CAST: variants seen among roughly 807,000 people sequenced by gnomAD.
CAST encodes MIR583 host.
Under a neutral mutation model 119.6 loss-of-function variants are expected in CAST, and 76 were observed. That is an observed-to-expected ratio of 0.64 (90% CI 0.53 to 0.77). The LOEUF (loss-of-function observed/expected upper bound fraction) is 0.77, where lower values mean the gene tolerates loss of function less well. Among genes scored for constraint, CAST ranks in the 30% least tolerant of loss-of-function variants. The probability of loss-of-function intolerance (pLI) is 0.00; values close to 1 mark genes in which losing one functional copy is unlikely to be tolerated. For missense variants in CAST, 953 were observed against 946.5 expected (o/e 1.01, Z -0.09); for synonymous variants, 319 against 331.6 (o/e 0.96, Z 0.41).
chr5:96,100,626 CA>C, the CAST span, among the ~76,000 whole-genome samples: 1 of 152,138 alleles, frequency 6.6e-6, no homozygotes, highest in Non-Finnish European at 1.5e-5. Flanking sequence ...GACATAACCA[CA>C]CCATAATTTC....
chr5:96,518,108 G>C, the CAST span, among the ~76,000 whole-genome samples: 163 of 152,222 alleles, frequency 1.1e-3, 3 homozygotes, highest in South Asian at 0.033. Context: ...ACTCTGATGA[G>C]AAGATGAAGT....
At chr5:96,707,439 T>G (rs1755230814) in intron 3 of CAST, among the ~76,000 whole-genome samples, 1 of 151,628 alleles carries the variant, frequency 6.6e-6, no homozygotes, top group Non-Finnish European at 1.5e-5. Flanking sequence ...CGGGCTGGAG[T>G]GCAGTGGCAC....
At chr5:96,717,391 A>G (rs927978964) in intron 3 of CAST, among the ~76,000 whole-genome samples, 1 of 152,202 alleles carries the variant, frequency 6.6e-6, no homozygotes, top group African/African-American at 2.4e-5. Flanking sequence ...GGCAGGGGGA[A>G]TGGCAAGTTG....
At chr5:96,355,031 A>G in the CAST span, among the ~76,000 whole-genome samples, 1 of 151,908 alleles carries the variant, frequency 6.6e-6, no homozygotes, top group Admixed American at 6.6e-5. Context: ...TTTTTTATAT[A>G]GTTTAAGTTC....
At chr5:96,494,107 G>C in the CAST span, among the ~76,000 whole-genome samples, 1 of 152,184 alleles carries the variant, frequency 6.6e-6, no homozygotes, top group African/African-American at 2.4e-5. Flanking sequence ...GTAAAGGACA[G>C]AGAAGAGTTG....
rs1773207962 is a variant in CAST, at chr5:96,773,521, AG to A, written c.*906del. ...GTGTCTTTAGAGCTATTGCCACATT[AG>A]CCTTTGCACTGTATAGCGTCTGGCT... On this transcript the variant is annotated 3_prime_UTR_variant, in exon 32 of 32. Coordinates refer to ENST00000675179, the MANE Select transcript of CAST (RefSeq NM_001750.7). The A allele has an allele frequency of 6.6e-6, 1 of 152,300 alleles. No homozygotes were observed. Among genetic ancestry groups the A allele is most frequent in the African/African-American group, 2.4e-5 (1 of 41,450 alleles). 9.4% of individuals were successfully genotyped at this position (152,300 alleles called of 1,614,324 possible).
At chr5:96,614,439 CAGG>C (rs1747417555) in intron 1 of CAST, among the ~76,000 whole-genome samples, 1 of 152,176 alleles carries the variant, frequency 6.6e-6, no homozygotes, top group African/African-American at 2.4e-5. Flanking sequence ...AACCTTATGG[CAGG>C]AGGCTTATAA....
chr5:96,392,905 T>C, the CAST span: 1 of 1,229,446 alleles, frequency 8.1e-7, no homozygotes, highest in African/African-American at 1.5e-5. Flanking sequence ...ATTATAAGCA[T>C]AAGAATTCAT....
the CAST span, among the ~76,000 whole-genome samples, chr5:96,017,000 C>A: frequency 6.6e-6 from 1 of 151,970 alleles, no homozygotes; most frequent in Non-Finnish European, 1.5e-5. Context: ...CCACGCACAG[C>A]TAATTTTTTG....
chr5:96,707,915 C>A (rs951740402), intron 3 of CAST, among the ~76,000 whole-genome samples: 2 of 152,090 alleles, frequency 1.3e-5, no homozygotes, highest in Non-Finnish European at 2.9e-5. Context: ...AGGAGCTTAG[C>A]CTCCTGCACA....
chr5:96,461,141 C>T, the CAST span, among the ~76,000 whole-genome samples: 45 of 152,242 alleles, frequency 3.0e-4, no homozygotes, highest in African/African-American at 9.9e-4. Flanking sequence ...TAGCTTCTTT[C>T]ACTTAATGCA....
chr5:96,249,564 C>A, the CAST span, among the ~76,000 whole-genome samples: 1 of 152,190 alleles, frequency 6.6e-6, no homozygotes, highest in Non-Finnish European at 1.5e-5. Context: ...TGCAAACAAG[C>A]CCATCATTTC....
chr5:96,109,390 T>C, the CAST span, among the ~76,000 whole-genome samples: 1 of 152,252 alleles, frequency 6.6e-6, no homozygotes, highest in African/African-American at 2.4e-5. Context: ...TTTTACATTT[T>C]CCAAAACCAA....
chr5:96,227,440 C>T, the CAST span, among the ~76,000 whole-genome samples: 1 of 152,102 alleles, frequency 6.6e-6, no homozygotes, highest in Admixed American at 6.6e-5. Flanking sequence ...TCTTAAACCA[C>T]GATGGCAAAA....
At chr5:96,133,991 G>A in the CAST span, among the ~76,000 whole-genome samples, 1 of 152,140 alleles carries the variant, frequency 6.6e-6, no homozygotes, top group Non-Finnish European at 1.5e-5. Flanking sequence ...AAGTGATGTG[G>A]GCACACATAT....
chr5:96,466,621 G>C, the CAST span, among the ~76,000 whole-genome samples: 6 of 151,842 alleles, frequency 4.0e-5, no homozygotes, highest in East Asian at 1.2e-3. Context: ...GCTTACCATA[G>C]ATATGCTTTC....
chr5:96,545,214 A>C (rs1314909683), intron 1 of CAST: 1 of 152,214 alleles, frequency 6.6e-6, no homozygotes, highest in Non-Finnish European at 1.5e-5. Context: ...TATTTCATGC[A>C]GGAGGATAAA....
chr5:96,627,648 T>C (rs887958126), intron 1 of CAST, among the ~76,000 whole-genome samples: 2 of 152,228 alleles, frequency 1.3e-5, no homozygotes, highest in Non-Finnish European at 1.5e-5. Flanking sequence ...AACAAACTCC[T>C]GTTTACGGAA....
At chr5:96,362,162 C>A in the CAST span, among the ~76,000 whole-genome samples, 156 of 152,196 alleles carry the variant, frequency 1.0e-3, no homozygotes, top group Admixed American at 3.9e-3. Context: ...AGGACATGAA[C>A]TCATCCTTTT....
Sources: gnomAD v4.1 joint callset for allele counts (sites outside exome capture counted in the v4.1 genomes callset) on GRCh38, gnomAD v4.1.1 for gene constraint, MANE v1.5 for transcripts, NCBI Gene and HGNC (gene_info 2026-07-23, HGNC 2026-07-21) for gene names.